The following RASSF3 variants were observed in gnomAD, a reference collection of about 807,000 sequenced individuals.
RASSF3 encodes the protein Ras association domain family member 3, also known as ras association domain-containing protein 3.
In RASSF3, 19 loss-of-function variants were observed where a neutral mutation model predicts 19.9. That is an observed-to-expected ratio of 0.96 (90% confidence interval 0.67 to 1.40). RASSF3 has a LOEUF of 1.40. Ranked by LOEUF, RASSF3 falls within the 40% of genes most tolerant of loss-of-function variation. The probability of loss-of-function intolerance (pLI) is 0.00; values close to 1 mark genes in which losing one functional copy is unlikely to be tolerated. For synonymous variants in RASSF3, 110 were observed against 104.2 expected, an observed-to-expected ratio of 1.06 and a Z score of -0.34; for missense variants, 306 against 289.8, an observed-to-expected ratio of 1.06 and a Z score of -0.41.
At chr12:64,541,673 G>C (rs183945414) in exon 2 of RASSF3, 1 of 398,484 alleles carries the variant, frequency 2.5e-6, no homozygotes, top group African/African-American at 2.1e-5. Flanking sequence ...GCCGACTTCT[G>C]AAGTAAGATA....
At chr12:64,577,303 G>T (rs1167620138) in intron 2 of RASSF3, among the ~76,000 whole-genome samples, 2 of 152,208 alleles carry the variant, frequency 1.3e-5, no homozygotes, top group Non-Finnish European at 2.9e-5. Context: ...CCATCTTTGA[G>T]GCTGGGAGAA....
At chr12:64,554,069 T>C (rs959315088) in intron 2 of RASSF3, among the ~76,000 whole-genome samples, 1 of 152,028 alleles carries the variant, frequency 6.6e-6, no homozygotes, top group African/African-American at 2.4e-5. Flanking sequence ...TGTCTCCCTG[T>C]AGTTTTAGCC....
At chr12:64,670,368 C>CTGTTT (rs1213443097) in intron 1 of RASSF3, among the ~76,000 whole-genome samples, 1 of 64,414 alleles carries the variant, frequency 1.6e-5, no homozygotes, top group Non-Finnish European at 3.2e-5. Context: ...CTAGATTTTA[C>CTGTTT]TGTTTTTTTT....
chr12:64,644,790 T>A (rs959957093), intron 1 of RASSF3, among the ~76,000 whole-genome samples: 2 of 152,194 alleles, frequency 1.3e-5, no homozygotes, highest in African/African-American at 4.8e-5. Flanking sequence ...CAGATACATA[T>A]GCCATGTTTA....
intron 1 of RASSF3, among the ~76,000 whole-genome samples, chr12:64,679,531 G>A (rs1321956219): frequency 2.6e-5 from 4 of 152,104 alleles, no homozygotes; most frequent in Non-Finnish European, 4.4e-5. Flanking sequence ...TCTGAGTTGT[G>A]AGCCTGTGGG....
intron 1 of RASSF3, among the ~76,000 whole-genome samples, chr12:64,518,458 C>A (rs1022450797): frequency 2.0e-5 from 3 of 152,174 alleles, no homozygotes; most frequent in Non-Finnish European, 4.4e-5. Context: ...GCAAGAAAGA[C>A]AGAAGGAAGT....
intron 1 of RASSF3, among the ~76,000 whole-genome samples, chr12:64,629,691 G>A (rs1030646081): frequency 6.6e-6 from 1 of 152,038 alleles, no homozygotes; most frequent in African/African-American, 2.4e-5. Context: ...TGGACCAGGC[G>A]CGGTGGCTCA....
chr12:64,647,524 T>C (rs1565860173), intron 1 of RASSF3, among the ~76,000 whole-genome samples: 1 of 151,586 alleles, frequency 6.6e-6, no homozygotes, highest in African/African-American at 2.4e-5. Flanking sequence ...GATTCTCCTG[T>C]CTCAGTCTCC....
chr12:64,675,054 C>T (rs1245187), intron 1 of RASSF3, among the ~76,000 whole-genome samples: 1 of 107,268 alleles, frequency 9.3e-6, no homozygotes, highest in Non-Finnish European at 2.0e-5. Flanking sequence ...AGCCCCCCCC[C>T]CCCCCGCCAC....
chr12:64,676,225 T>C (rs1872896401), intron 1 of RASSF3, among the ~76,000 whole-genome samples: 1 of 141,812 alleles, frequency 7.1e-6, no homozygotes, highest in Non-Finnish European at 1.5e-5. Flanking sequence ...CAGGCTGGAG[T>C]GCAGTGGTGT....
chr12:64,544,123 C>G (rs892349263), downstream of RASSF3, among the ~76,000 whole-genome samples: 1 of 152,132 alleles, frequency 6.6e-6, no homozygotes, highest in Non-Finnish European at 1.5e-5. Context: ...TGCAATAAAT[C>G]CTGGTACTGC....
intron 2 of RASSF3, among the ~76,000 whole-genome samples, chr12:64,597,055 C>T (rs1870009513): frequency 6.6e-6 from 1 of 152,084 alleles, no homozygotes; most frequent in Admixed American, 6.6e-5. Context: ...GCGTGAGCCA[C>T]CGCACCCAGC....
At chr12:64,526,110 C>G (rs1027045308) in intron 1 of RASSF3, among the ~76,000 whole-genome samples, 6 of 152,146 alleles carry the variant, frequency 3.9e-5, no homozygotes, top group African/African-American at 7.2e-5. Flanking sequence ...TTCCCACACT[C>G]GGACAATGTA....
chr12:64,638,628 T>A (rs1871408099), intron 1 of RASSF3, among the ~76,000 whole-genome samples: 1 of 151,894 alleles, frequency 6.6e-6, no homozygotes, highest in Admixed American at 6.6e-5. Flanking sequence ...CACCATCCAG[T>A]TTAAAAGAAA....
intron 1 of RASSF3, among the ~76,000 whole-genome samples, chr12:64,513,911 GCT>G (rs1413298728): frequency 1.3e-5 from 2 of 152,000 alleles, no homozygotes; most frequent in African/African-American, 4.8e-5. Context: ...ACAGAGTCTC[GCT>G]CTGTCACCCA....
intron 1 of RASSF3, among the ~76,000 whole-genome samples, chr12:64,643,043 CAG>C (rs1274304566): frequency 1.3e-5 from 2 of 151,698 alleles, no homozygotes; most frequent in Admixed American, 1.3e-4. Context: ...TTAGTAGAGA[CAG>C]GGCTTCACCA....
intron 2 of RASSF3, among the ~76,000 whole-genome samples, chr12:64,586,491 G>GAAAAAAAAAA (rs10708538): frequency 7.1e-4 from 50 of 70,096 alleles, no homozygotes; most frequent in Non-Finnish European, 8.6e-4. Flanking sequence ...CTCCTTCTCA[G>GAAAAAAAAAA]AAAAAAAAAA....
chr12:64,679,291 C>A (rs964891729), intron 1 of RASSF3, among the ~76,000 whole-genome samples: 1 of 152,196 alleles, frequency 6.6e-6, no homozygotes, highest in African/African-American at 2.4e-5. Flanking sequence ...GAACTCCTGA[C>A]CTCGTGATCC....
intron 1 of RASSF3, among the ~76,000 whole-genome samples, chr12:64,625,530 T>C (rs1870956840): frequency 6.6e-6 from 1 of 152,144 alleles, no homozygotes; most frequent in South Asian, 2.1e-4. Context: ...GGCAGCTCGC[T>C]TGACCTGGTG....
Sources: allele counts gnomAD v4.1 joint callset (sites outside exome capture counted in the v4.1 genomes callset), GRCh38; gene constraint gnomAD v4.1.1; transcripts MANE v1.5; gene names NCBI Gene and HGNC (gene_info 2026-07-23, HGNC 2026-07-21).